Variants in DNAH17 observed in about 807,000 individuals in gnomAD.
DNAH17 encodes the protein dynein axonemal heavy chain 17, also known as axonemal beta dynein heavy chain 17.
Under a neutral mutation model 485.6 loss-of-function variants are expected in DNAH17, and 376 were observed. The ratio of observed to expected loss-of-function variants is 0.77; its 90% CI spans 0.71 to 0.84. The LOEUF is 0.84. Among genes scored for constraint, DNAH17 ranks in the 40% least tolerant of loss-of-function variants. DNAH17 has a pLI of 0.00. For missense variants in DNAH17, 6,370 were observed against 5,839.3 expected (o/e 1.09, Z -2.96); for synonymous variants, 3,031 against 2,405.9 (o/e 1.26, Z -7.60).
intron 27 of DNAH17, among the ~76,000 whole-genome samples, chr17:78,509,434 A>G: frequency 6.6e-6 from 1 of 152,128 alleles, no homozygotes. Context: ...ATATGTGCTG[A>G]TTACACACTT....
At chr17:78,526,769 C>A (rs750394308) in intron 23 of DNAH17, 32 bp from the exon 24 acceptor site, 3 of 1,579,614 alleles carry the variant, frequency 1.9e-6, no homozygotes, top group South Asian at 1.1e-5. Flanking sequence ...TACAGAGAGT[C>A]ACGGGGCGGC....
chr17:78,510,116 A>G (rs1352700407), intron 27 of DNAH17, among the ~76,000 whole-genome samples: 2 of 152,216 alleles, frequency 1.3e-5, no homozygotes, highest in South Asian at 2.1e-4. Context: ...CAGGAGGTGG[A>G]GGTTGCAGTG....
chr17:78,466,206 C>A (rs988882859), intron 56 of DNAH17, among the ~76,000 whole-genome samples: 6 of 152,128 alleles, frequency 3.9e-5, no homozygotes, highest in Non-Finnish European at 8.8e-5. Context: ...GCAAGATGTG[C>A]TTTGTTAAAC....
chr17:78,570,404 G>A, intron 6 of DNAH17, 32 bp from the exon 7 acceptor site: 10 of 1,598,768 alleles, frequency 6.3e-6, no homozygotes, highest in Non-Finnish European at 8.5e-6. Flanking sequence ...CACACTGGAG[G>A]GGACTGGCCG....
rs2090057368 is a variant in DNAH17 at position 78,495,988 on chromosome 17, G to A, written c.5790C>T (p.Phe1930=). Residue 1930 remains phenylalanine (F), a synonymous_variant, in exon 38 of 81, where the codon TTC becomes TTT. Transcript: ENST00000389840. ...QDAIRAKKKA[F]NFLGEIIGLI... ...GGCCTATGATCTCTCCCAGGAAATT[G>A]AATGCTTTTTTCTTGGCCCGAATTG... The A allele has an allele frequency of 2.5e-6, 4 of 1,613,794 alleles. No individual in the cohort carries two copies. Among genetic ancestry groups the A allele is most frequent in the South Asian group, 1.1e-5 (1 of 91,082 alleles).
intron 25 of DNAH17, among the ~76,000 whole-genome samples, chr17:78,517,903 G>C (rs1006732103): frequency 4.6e-5 from 7 of 152,186 alleles, no homozygotes; most frequent in African/African-American, 1.7e-4. Flanking sequence ...GTTAAGAGGG[G>C]CAGAGGTGAG....
Position 78,495,065 on chromosome 17 carries a change from A to G in DNAH17, c.5936T>C (p.Leu1979Pro). The G allele has an allele frequency of 1.2e-6, 2 of 1,610,920 alleles. No individual in the cohort carries two copies. Among genetic ancestry groups the G allele is most frequent in the African/African-American group, 2.7e-5 (2 of 75,022 alleles). The change falls in exon 39 of 81, where the codon CTG becomes CCG. Residue 1979 changes from leucine to proline, a missense_variant. Coordinates refer to ENST00000389840, the MANE Select transcript of DNAH17 (RefSeq NM_173628.4). ...PCAMVVPDFELICEIMLMAEG... is the reference protein window; with the variant it reads ...PCAMVVPDFEPICEIMLMAEG... ...GGCCATGAGCATGATCTCACATATC[A>G]GTTCGAAGTCGGGGACGACCATGGC...
intron 73 of DNAH17, among the ~76,000 whole-genome samples, chr17:78,438,203 C>T (rs945502138): frequency 1.3e-5 from 2 of 151,356 alleles, no homozygotes; most frequent in East Asian, 4.0e-4. Context: ...CTGAGGGCTT[C>T]CCACCGGGGC....
intron 65 of DNAH17, 82 bp downstream of exon 65, chr17:78,453,261 C>T (rs1371695320): frequency 7.2e-6 from 11 of 1,538,260 alleles, no homozygotes; most frequent in African/African-American, 1.4e-5. Flanking sequence ...AAATTCCGGG[C>T]GTTTTCTCTA....
At chr17:78,474,135 C>A (rs1320850213) in intron 54 of DNAH17, among the ~76,000 whole-genome samples, 2 of 152,226 alleles carry the variant, frequency 1.3e-5, no homozygotes, top group Admixed American at 1.3e-4. Context: ...CAGACACCTC[C>A]CACTGCTCCC....
chr17:78,425,283 T>C, intron 80 of DNAH17, 63 bp downstream of exon 80: 1 of 1,043,354 alleles, frequency 9.6e-7, no homozygotes, highest in Non-Finnish European at 1.3e-6. Flanking sequence ...GCTAGTTTTA[T>C]CTTGTCTTGG....
chr17:78,550,980 A>C (rs990064392), intron 16 of DNAH17, among the ~76,000 whole-genome samples: 7 of 152,276 alleles, frequency 4.6e-5, no homozygotes, highest in Non-Finnish European at 7.4e-5. Flanking sequence ...GCACTTTGGG[A>C]AGCTGAGACA....
In DNAH17 at chr17:78,454,694, C is replaced by T. The variant is rs528805615; in HGVS notation, c.10182G>A (p.Pro3394=). ...TCAAGGGATCCAGGCCATTCGTGAT[C>T]GGGATGGGGACCTGCCCAGGGAGGC... ...PYIHNLKVPI[P]ITNGLDPLSL... is the part of the protein sequence containing the mutation. Residue 3394 remains proline (P), a synonymous_variant, in exon 64 of 81, where the codon CCG becomes CCA. Transcript: ENST00000389840. The T allele has an allele frequency of 8.1e-6, 13 of 1,611,990 alleles. No individual in the cohort carries two copies. Among genetic ancestry groups the T allele is most frequent in the Middle Eastern group, 1.7e-4 (1 of 6,056 alleles).
At chr17:78,479,189 T>C (rs1270494701) in intron 50 of DNAH17, 73 bp from the exon 51 acceptor site, 8 of 1,455,606 alleles carry the variant, frequency 5.5e-6, no homozygotes, top group East Asian at 2.3e-5. Flanking sequence ...CTCAAGTTTC[T>C]AAAGCCAATG....
intron 22 of DNAH17, among the ~76,000 whole-genome samples, chr17:78,529,170 G>T (rs1264257365): frequency 6.6e-6 from 1 of 152,090 alleles, no homozygotes; most frequent in Non-Finnish European, 1.5e-5. Context: ...TCAAACTCGA[G>T]CTCAGGCAAT....
At chr17:78,537,102 C>T (rs1194970260) in intron 19 of DNAH17, among the ~76,000 whole-genome samples, 197 bp downstream of exon 19, 1 of 151,078 alleles carries the variant, frequency 6.6e-6, no homozygotes, top group Admixed American at 6.6e-5. Flanking sequence ...GGCTTGAACC[C>T]AGGAGGCGGA....
Position 78,479,577 on chromosome 17 carries a change from A to T in DNAH17, c.7808T>A (p.Ile2603Asn). The change falls in exon 50 of 81, where the codon ATC becomes AAC. Residue 2603 changes from isoleucine to asparagine, a missense_variant. By Grantham distance (149) the Ile-to-Asn change is moderately radical (BLOSUM62 -3). Transcript: ENST00000389840. ...GTGCTGCGTCAGGATTGTGTTGTAG[A>T]TGGTGGTGAGGGCCTCCTGGCCGGG... ...SFPGQEALTT[I>N]YNTILTQHLA... is the part of the protein sequence containing the mutation. 1 of 1,613,616 alleles carries T rather than the reference A, an allele frequency of 6.2e-7. No individual in the cohort carries two copies. Among genetic ancestry groups the T allele is most frequent in the Non-Finnish European group, 8.5e-7 (1 of 1,179,862 alleles).
At chr17:78,494,400 G>C (rs1269631932) in intron 40 of DNAH17, among the ~76,000 whole-genome samples, 193 bp downstream of exon 40, 3 of 151,880 alleles carry the variant, frequency 2.0e-5, no homozygotes, top group Non-Finnish European at 4.4e-5. Flanking sequence ...CCTCAGTTGA[G>C]AGAGTGACCT....
chr17:78,472,735 G>A (rs2176034), intron 54 of DNAH17: 37,074 of 454,230 alleles, frequency 0.082, 1,734 homozygotes, highest in African/African-American at 0.14. Context: ...CACAGCCCTC[G>A]CTGGCCCTGG....
Sources: gnomAD v4.1 joint callset for allele counts (sites outside exome capture counted in the v4.1 genomes callset) on GRCh38, gnomAD v4.1.1 for gene constraint, MANE v1.5 for transcripts, NCBI Gene and HGNC (gene_info 2026-07-23, HGNC 2026-07-21) for gene names.